Variants in MAPK1IP1L observed in about 807,000 individuals in gnomAD.
The protein encoded by MAPK1IP1L is MAPK-interacting and spindle-stabilizing protein-like.
MAPK1IP1L carries 10 observed loss-of-function variants against 18.1 expected under a neutral mutation model. The observed-to-expected ratio is 0.55, with a 90% confidence interval of 0.34 to 0.94. MAPK1IP1L has a LOEUF of 0.94. MAPK1IP1L is among the 40% of genes least tolerant of loss of function. The pLI is 0.02. For missense variants in MAPK1IP1L, 260 were observed against 318.2 expected, an observed-to-expected ratio of 0.82 and a Z score of 1.39; for synonymous variants, 115 against 117.3, an observed-to-expected ratio of 0.98 and a Z score of 0.13.
At chr14:55,058,909 C>T (rs1280266361) in intron 1 of MAPK1IP1L, among the ~76,000 whole-genome samples, 1 of 150,864 alleles carries the variant, frequency 6.6e-6, no homozygotes, top group Non-Finnish European at 1.5e-5. Flanking sequence ...ATAGTATTCA[C>T]ACTTTTAAGT....
chr14:55,060,319 C>G (rs1004298507), intron 1 of MAPK1IP1L: 1 of 151,826 alleles, frequency 6.6e-6, no homozygotes, highest in African/African-American at 2.4e-5. Context: ...CTACAGGCAC[C>G]CGCCACCACA....
At chr14:55,058,725 A>G (rs1323377004) in intron 1 of MAPK1IP1L, among the ~76,000 whole-genome samples, 1 of 151,958 alleles carries the variant, frequency 6.6e-6, no homozygotes, top group African/African-American at 2.4e-5. Context: ...CCAGTTACTC[A>G]GGAGGCTGAG....
intron 2 of MAPK1IP1L, 100 bp downstream of exon 2, chr14:55,061,801 T>C: frequency 1.0e-6 from 1 of 960,658 alleles, no homozygotes; most frequent in Non-Finnish European, 1.5e-6. Context: ...AAAGAGATGC[T>C]TTAACCAGGC....
Position 55,066,205 on chromosome 14 carries a change from A to G in MAPK1IP1L, c.*1578A>G, listed in dbSNP as rs1373922344. 1.3e-5 allele frequency: 2 copies of G among 152,204 alleles called. No homozygotes were observed. Among genetic ancestry groups the G allele is most frequent in the Non-Finnish European group, 2.9e-5 (2 of 68,040 alleles). 9.4% of individuals were successfully genotyped at this position (152,204 alleles called of 1,614,324 possible). On this transcript the variant is annotated 3_prime_UTR_variant, in exon 4 of 4. Transcript: ENST00000395468. Reference sequence around the variant, plus strand: ...TTATTTCTGCTCTAATTAAAATGTCAAGAATGCCAAATGCTGCCAGTTTTT... The same window carrying G: ...TTATTTCTGCTCTAATTAAAATGTCGAGAATGCCAAATGCTGCCAGTTTTT...
At chr14:55,054,436 C>G (rs1403239306) in intron 1 of MAPK1IP1L, among the ~76,000 whole-genome samples, 1 of 152,130 alleles carries the variant, frequency 6.6e-6, no homozygotes, top group Non-Finnish European at 1.5e-5. Context: ...AGCCGCCGCA[C>G]CCGGCCATTA....
At chr14:55,059,225 G>GAAAAAAAAAAAAAAAAAAAGAAAAATCTA (rs2042795688) in intron 1 of MAPK1IP1L, among the ~76,000 whole-genome samples, 1 of 63,256 alleles carries the variant, frequency 1.6e-5, no homozygotes, top group Non-Finnish European at 3.1e-5. Context: ...AGGAAAATCT[G>GAAAAAAAAAAAAAAAAAAAGAAAAATCTA]AAAAAAAAAA....
At position 55,063,246 on chromosome 14, in the gene MAPK1IP1L, G is replaced by A; in HGVS notation, c.647G>A (p.Gly216Glu). 6.2e-7 allele frequency: 1 copy of A among 1,614,092 alleles called. No individual in the cohort carries two copies. The highest frequency in any genetic ancestry group is 2.2e-5 in the East Asian group (1 of 44,866). Residue 216 changes from glycine to glutamate, a missense_variant, in exon 3 of 4, where the codon GGA becomes GAA. Coordinates refer to ENST00000395468, the MANE Select transcript of MAPK1IP1L (RefSeq NM_144578.4). ...CCTACAGGATCGTATCCCACACCAG[G>A]ACTCTATCCTACTCCCAGTAATCCT... ...PAPTGSYPTP[G>E]LYPTPSNPFQ...
intron 1 of MAPK1IP1L, among the ~76,000 whole-genome samples, chr14:55,053,346 C>CT (rs2042745480): frequency 6.6e-6 from 1 of 152,190 alleles, no homozygotes; most frequent in Non-Finnish European, 1.5e-5. Flanking sequence ...GATAATCATA[C>CT]TTTAACGTTT....
chr14:55,065,279 A>G lies in MAPK1IP1L; in HGVS notation c.*652A>G, dbSNP rs928158892. On this transcript the variant is annotated 3_prime_UTR_variant, in exon 4 of 4. Coordinates refer to ENST00000395468, the MANE Select transcript of MAPK1IP1L (RefSeq NM_144578.4). The stretch of plus-strand genomic sequence containing the variant: ...GGGTCATACAGCACTAAAGTCTGCT[A>G]TTTATGGAAACTAACTTTTTTGTTT... 1 of 152,170 alleles carries G rather than the reference A, an allele frequency of 6.6e-6. No homozygotes were observed. The highest frequency in any genetic ancestry group is 2.4e-5 in the African/African-American group (1 of 41,432). 9.4% of individuals were successfully genotyped at this position (152,170 alleles called of 1,614,324 possible). A position where few individuals can be genotyped will look rare whatever the true frequency, so the allele number is the denominator to read the frequency against.
At chr14:55,056,132 GT>G (rs1440182754) in intron 1 of MAPK1IP1L, among the ~76,000 whole-genome samples, 2 of 152,218 alleles carry the variant, frequency 1.3e-5, no homozygotes, top group South Asian at 2.1e-4. Flanking sequence ...TTAGGGCTTT[GT>G]TTTTTAATCA....
intron 1 of MAPK1IP1L, among the ~76,000 whole-genome samples, chr14:55,057,394 C>T (rs902934796): frequency 6.6e-6 from 1 of 152,122 alleles, no homozygotes; most frequent in Non-Finnish European, 1.5e-5. Context: ...GAGTTAAATT[C>T]CTATGGCATA....
chr14:55,061,102 ATC>A (rs1010896930), intron 1 of MAPK1IP1L, among the ~76,000 whole-genome samples: 3 of 152,208 alleles, frequency 2.0e-5, no homozygotes, highest in Admixed American at 6.5e-5. Flanking sequence ...GTGAGCTGTG[ATC>A]TCTCTCGCCA....
chr14:55,055,441 C>A (rs1455615699), intron 1 of MAPK1IP1L, among the ~76,000 whole-genome samples: 2 of 152,172 alleles, frequency 1.3e-5, no homozygotes. Flanking sequence ...CATTGCAAGA[C>A]TCCCCAATGA....
intron 1 of MAPK1IP1L, among the ~76,000 whole-genome samples, chr14:55,052,847 G>C (rs997717505): frequency 9.9e-5 from 15 of 152,162 alleles, no homozygotes; most frequent in Non-Finnish European, 1.8e-4. Flanking sequence ...CACTCCAGGC[G>C]GAATGGGTAA....
intron 3 of MAPK1IP1L, 126 bp from the exon 4 acceptor site, chr14:55,064,490 C>T: frequency 1.4e-6 from 1 of 735,282 alleles, no homozygotes; most frequent in Non-Finnish European, 2.3e-6. Flanking sequence ...AAGTGTATGC[C>T]AGAGTAAATG....
At chr14:55,053,346 C>A in intron 1 of MAPK1IP1L, among the ~76,000 whole-genome samples, 1 of 152,190 alleles carries the variant, frequency 6.6e-6, no homozygotes, top group Non-Finnish European at 1.5e-5. Flanking sequence ...GATAATCATA[C>A]TTTAACGTTT....
At chr14:55,064,544 A>T in intron 3 of MAPK1IP1L, 72 bp from the exon 4 acceptor site, 1 of 1,334,128 alleles carries the variant, frequency 7.5e-7, no homozygotes, top group Non-Finnish European at 1.1e-6. Flanking sequence ...AATTTACTTT[A>T]AGCCACAGTA....
intron 3 of MAPK1IP1L, 129 bp downstream of exon 3, chr14:55,063,454 A>AT (rs2042836492): frequency 1.3e-6 from 1 of 756,576 alleles, no homozygotes; most frequent in East Asian, 2.8e-5. Context: ...TGTATATTAA[A>AT]TAAGTAAATT....
chr14:55,062,593 A>C (rs1380894396), intron 2 of MAPK1IP1L, 25 bp from the exon 3 acceptor site: 1 of 1,574,848 alleles, frequency 6.3e-7, no homozygotes, highest in Non-Finnish European at 8.7e-7. Context: ...CTAGATAGGA[A>C]AGACGTATCT....
Sources: allele counts gnomAD v4.1 joint callset (sites outside exome capture counted in the v4.1 genomes callset), GRCh38; gene constraint gnomAD v4.1.1; transcripts MANE v1.5; gene names NCBI Gene and HGNC (gene_info 2026-07-23, HGNC 2026-07-21).